The following PPP1CA variants were observed in gnomAD, a reference collection of about 807,000 sequenced individuals.
The protein encoded by PPP1CA is protein phosphatase 1 catalytic subunit alpha.
Under a neutral mutation model 38.5 loss-of-function variants are expected in PPP1CA, and 14 were observed. That is an observed-to-expected ratio of 0.36 (90% CI 0.24 to 0.57). PPP1CA has a LOEUF of 0.57. Among genes scored for constraint, PPP1CA ranks in the 20% least tolerant of loss-of-function variants. The pLI is 0.80. For missense variants in PPP1CA, 277 were observed against 435.2 expected (o/e 0.64, Z 3.23); for synonymous variants, 200 against 177.3 (o/e 1.13, Z -1.02).
chr11:67,399,755 G>GTCAGGCACCGATGCAAACCACCC (rs1862839072), intron 3 of PPP1CA, 90 bp from the exon 4 acceptor site: 1 of 1,046,608 alleles, frequency 9.6e-7, no homozygotes, highest in Admixed American at 2.0e-5. Context: ...GGAGGAGAGA[G>GTCAGGCACCGATGCAAACCACCC]TCAGGCACCG....
chr11:67,401,364 C>G, intron 1 of PPP1CA, 165 bp from the exon 2 acceptor site: 1 of 1,195,194 alleles, frequency 8.4e-7, no homozygotes, highest in Non-Finnish European at 1.2e-6. Flanking sequence ...CTCAAGCCTC[C>G]CAGGGGAAGC....
At position 67,398,792 on chromosome 11, in the gene PPP1CA, T is replaced by C; in HGVS notation, c.812A>G (p.Asn271Ser). The C allele has an allele frequency of 6.2e-7, 1 of 1,613,826 alleles. No individual in the cohort carries two copies. Among genetic ancestry groups the C allele is most frequent in the Non-Finnish European group, 8.5e-7 (1 of 1,180,012 alleles). The change falls in exon 6 of 7, where the codon AAC (asparagine) becomes AGC (serine). Residue 271 changes from asparagine (N) to serine (S), a missense_variant. Asn to Ser is a conservative substitution (Grantham distance 46). Transcript: ENST00000376745. ...RQLVTLFSAP[N>S]YCGEFDNAGA... is the part of the protein sequence containing the mutation. ...AGCATTGTCAAACTCGCCACAGTAGTTGGGAGCTGAGAAAAGTGTCACCAG... is the reference window on the plus strand; with the variant it reads ...AGCATTGTCAAACTCGCCACAGTAGCTGGGAGCTGAGAAAAGTGTCACCAG...
In PPP1CA at chr11:67,401,212, G is replaced by C. The variant is rs1359273641; in HGVS notation, c.56-13C>G. 6.2e-7 allele frequency: 1 copy of C among 1,613,444 alleles called. No homozygotes were observed. Among genetic ancestry groups the C allele is most frequent in the Non-Finnish European group, 8.5e-7 (1 of 1,179,890 alleles). On this transcript the variant is annotated splice_polypyrimidine_tract_variant and intron_variant, in intron 1 of 6. Coordinates refer to ENST00000376745, the MANE Select transcript of PPP1CA (RefSeq NM_002708.4). ...CGCGAGCCCTGCACTGGGGCGCAAT[G>C]GGGTGTCAGGACCCTGGACCCTGAC...
In PPP1CA at chr11:67,398,647, TAA is replaced by T. The variant is rs770902435; in HGVS notation, c.883-4_883-3del. On this transcript the variant is annotated splice_polypyrimidine_tract_variant and splice_region_variant and intron_variant, in intron 6 of 6. Transcript: ENST00000376745. ...GTTCTTGTCGGCGGGCTTGAGGATCTAAAAGAGACAGTGTTGGTCAGGCTCAT... is the reference window on the plus strand; with the variant it reads ...GTTCTTGTCGGCGGGCTTGAGGATCTAAGAGACAGTGTTGGTCAGGCTCAT... The T allele has an allele frequency of 2.5e-6, 4 of 1,614,030 alleles. No homozygotes were observed. In the Admixed American group the frequency reaches 5.0e-5, roughly 20 times the overall value.
Position 67,398,616 on chromosome 11 carries a change from C to G in PPP1CA, c.912G>C (p.Gly304=), listed in dbSNP as rs768758459. 1.2e-6 allele frequency: 2 copies of G among 1,614,114 alleles called. No individual in the cohort carries two copies. Among genetic ancestry groups the G allele is most frequent in the East Asian group, 2.2e-5 (1 of 44,890 alleles). The part of the protein sequence containing the change: ...QILKPADKNK[G]KYGQFSGLNP... ...TCAGGCCACTGAACTGCCCGTACTTCCCCTTGTTCTTGTCGGCGGGCTTGA... is the reference window on the plus strand; with the variant it reads ...TCAGGCCACTGAACTGCCCGTACTTGCCCTTGTTCTTGTCGGCGGGCTTGA... The change falls in exon 7 of 7, where the codon GGG becomes GGC. Residue 304 remains glycine (G), a synonymous_variant. Coordinates refer to ENST00000376745, the MANE Select transcript of PPP1CA (RefSeq NM_002708.4).
Position 67,398,854 on chromosome 11 carries a change from C to T in PPP1CA, c.750G>A (p.Val250=), listed in dbSNP as rs1288805861. Residue 250 remains valine (V), a splice_region_variant and synonymous_variant, in exon 6 of 7, where the codon GTG becomes GTA. Transcript: ENST00000376745. The part of the protein sequence containing the change: ...DLDLICRAHQ[V]VEDGYEFFAK... ...CAAAGAACTCGTAGCCGTCTTCTACCACCTGGGCGAGGATGGGAGCAGTCA... is the reference window on the plus strand; with the variant it reads ...CAAAGAACTCGTAGCCGTCTTCTACTACCTGGGCGAGGATGGGAGCAGTCA... 1 of 1,612,562 alleles carries T rather than the reference C, an allele frequency of 6.2e-7. No individual in the cohort carries two copies. The highest frequency in any genetic ancestry group is 8.5e-7 in the Non-Finnish European group (1 of 1,179,960).
At position 67,401,096 on chromosome 11, in the gene PPP1CA, C is replaced by T. The variant is rs1862879139; in HGVS notation, c.159G>A (p.Leu53=). ...AGATCTTGAGGGGTGCCTCCAGCTCCAGAAGAATGGGCTGGCTCAGAAAAA... is the reference window on the plus strand; with the variant it reads ...AGATCTTGAGGGGTGCCTCCAGCTCTAGAAGAATGGGCTGGCTCAGAAAAA... ...REIFLSQPIL[L]ELEAPLKICG... is the part of the protein sequence containing the mutation. Residue 53 remains leucine (L), a synonymous_variant, in exon 2 of 7, where the codon CTG becomes CTA. Coordinates refer to ENST00000376745, the MANE Select transcript of PPP1CA (RefSeq NM_002708.4). 6.2e-7 allele frequency: 1 copy of T among 1,613,924 alleles called. No individual in the cohort carries two copies. Among genetic ancestry groups the T allele is most frequent in the Non-Finnish European group, 8.5e-7 (1 of 1,180,004 alleles).
At chr11:67,401,663 G>A (rs1565122613) in intron 1 of PPP1CA, 65 bp downstream of exon 1, 1 of 1,240,340 alleles carries the variant, frequency 8.1e-7, no homozygotes, top group Non-Finnish European at 1.0e-6. Flanking sequence ...CCGCCCGCGC[G>A]CCACTTCCGG....
intron 5 of PPP1CA, 33 bp from the exon 6 acceptor site, chr11:67,398,889 G>A (rs377238315): frequency 8.7e-6 from 14 of 1,611,546 alleles, no homozygotes; most frequent in East Asian, 6.7e-5. Context: ...AGTCCCGAGC[G>A]CAGGCACGGC....
rs768848510 is a variant in PPP1CA at position 67,400,928 on chromosome 11, C to G, written c.188-9G>C. 7 of 1,613,594 alleles carry G rather than the reference C, an allele frequency of 4.3e-6. No homozygotes were observed. Among genetic ancestry groups the G allele is most frequent in the Non-Finnish European group, 5.9e-6 (7 of 1,179,740 alleles). ...CTGGCCGTGTATGTCACCTGTGACC[C>G]AGGGAACCGGGTAAGCTAGATGCAA... On this transcript the variant is annotated splice_polypyrimidine_tract_variant and intron_variant, in intron 2 of 6. Coordinates refer to ENST00000376745, the MANE Select transcript of PPP1CA (RefSeq NM_002708.4).
At position 67,400,761 on chromosome 11, in the gene PPP1CA, C is replaced by T; in HGVS notation, c.346G>A (p.Glu116Lys). ...TTCCCACGGAGCAGGAAGAAGTTCT[C>T]GGGGTACTTGATCTTATAGGCCAGC... ...LLLAYKIKYP[E>K]NFFLLRGNHE... Residue 116 changes from glutamate to lysine, a missense_variant, in exon 3 of 7, where the codon GAG (glutamate) becomes AAG (lysine). Transcript: ENST00000376745. 1 of 1,614,094 alleles carries T rather than the reference C, an allele frequency of 6.2e-7. No individual in the cohort carries two copies. Among genetic ancestry groups the T allele is most frequent in the African/African-American group, 1.3e-5 (1 of 75,062 alleles).
chr11:67,398,567 G>A lies in PPP1CA; in HGVS notation c.961C>T (p.Pro321Ser), dbSNP rs1460734162. The A allele has an allele frequency of 1.9e-6, 3 of 1,613,980 alleles. No individual in the cohort carries two copies. The highest frequency in any genetic ancestry group is 2.5e-6 in the Non-Finnish European group (3 of 1,179,998). The change falls in exon 7 of 7, where the codon CCA (proline) becomes TCA (serine). Residue 321 changes from proline to serine, a missense_variant. By Grantham distance (74) the Pro-to-Ser change is moderately conservative. Transcript: ENST00000376745. ...TTGGCTTTGGCGGAATTGCGGGGTG[G>A]GGTGATGGGTCGGCCTCCAGGGTTC... ...GLNPGGRPIT[P>S]PRNSAKAKK
At chr11:67,400,553 C>T (rs1238612247) in intron 3 of PPP1CA, 136 bp downstream of exon 3, 10 of 866,494 alleles carry the variant, frequency 1.2e-5, no homozygotes, top group South Asian at 4.8e-5. Flanking sequence ...GGCACGAGAA[C>T]GGACCTGGGC....
chr11:67,399,731 T>C (rs1862838239), intron 3 of PPP1CA, 66 bp from the exon 4 acceptor site: 2 of 1,341,696 alleles, frequency 1.5e-6, no homozygotes, highest in African/African-American at 1.5e-5. Flanking sequence ...CCCTGGGCTA[T>C]TCAGCCGTGG....
At chr11:67,400,280 G>A (rs1401341224) in intron 3 of PPP1CA, among the ~76,000 whole-genome samples, 1 of 152,284 alleles carries the variant, frequency 6.6e-6, no homozygotes, top group Non-Finnish European at 1.5e-5. Context: ...TAAAGCACCC[G>A]AGTCCACTGG....
chr11:67,400,611 G>C, intron 3 of PPP1CA, 78 bp downstream of exon 3: 1 of 1,378,108 alleles, frequency 7.3e-7, no homozygotes, highest in Non-Finnish European at 1.0e-6. Context: ...TCAGATATCA[G>C]GCCAATGTGA....
chr11:67,401,047 G>A (rs1424976120), intron 2 of PPP1CA, 21 bp downstream of exon 2: 1 of 1,613,086 alleles, frequency 6.2e-7, no homozygotes, highest in East Asian at 2.2e-5. Context: ...GAAGGCAAGG[G>A]GACCTGGGCC....
intron 4 of PPP1CA, 24 bp from the exon 5 acceptor site, chr11:67,399,187 T>C (rs1265527883): frequency 6.3e-7 from 1 of 1,599,628 alleles, no homozygotes; most frequent in Middle Eastern, 1.7e-4. Context: ...GGAAGGTCAC[T>C]TCCTCAAACA....
At chr11:67,398,699 G>A (rs780866129) in intron 6 of PPP1CA, 23 bp downstream of exon 6, 23 of 1,612,944 alleles carry the variant, frequency 1.4e-5, no homozygotes, top group Non-Finnish European at 1.9e-5. Context: ...GGGCCTAGCG[G>A]CTCCTTTCTT....
Sources: gnomAD v4.1 joint callset for allele counts (sites outside exome capture counted in the v4.1 genomes callset) on GRCh38, gnomAD v4.1.1 for gene constraint, MANE v1.5 for transcripts, NCBI Gene and HGNC (gene_info 2026-07-23, HGNC 2026-07-21) for gene names.